NIPSNAP3B: variants seen among roughly 807,000 people sequenced by gnomAD.
NIPSNAP3B encodes protein NipSnap homolog 3B.
A neutral mutation model predicts 31.5 loss-of-function variants in NIPSNAP3B; 30 were observed. That is an observed-to-expected ratio of 0.95 (90% CI 0.71 to 1.29). The LOEUF is 1.29. NIPSNAP3B is among the 50% of genes most tolerant of loss of function. The pLI is 0.00. For missense variants in NIPSNAP3B, 269 were observed against 300.7 expected (o/e 0.89, Z 0.78); for synonymous variants, 106 against 107.9 (o/e 0.98, Z 0.11).
chr9:104,769,434 A>G (rs902812898), intron 3 of NIPSNAP3B, among the ~76,000 whole-genome samples: 2 of 140,350 alleles, frequency 1.4e-5, no homozygotes, highest in Non-Finnish European at 3.0e-5. Context: ...AGCCTGGGCG[A>G]CAGAGCGAGA....
At chr9:104,786,386 C>G in the NIPSNAP3B span, 2 of 1,614,000 alleles carry the variant, frequency 1.2e-6, no homozygotes, top group Non-Finnish European at 1.7e-6. Flanking sequence ...TCACATTCTT[C>G]CATACTGCGG....
chr9:104,785,020 G>A, the NIPSNAP3B span, among the ~76,000 whole-genome samples: 20 of 152,230 alleles, frequency 1.3e-4, no homozygotes, highest in Non-Finnish European at 2.6e-4. Context: ...GGCACATACG[G>A]TCTTGATTAA....
At chr9:104,771,179 T>C in intron 4 of NIPSNAP3B, 181 bp downstream of exon 4, 1 of 519,890 alleles carries the variant, frequency 1.9e-6, no homozygotes, top group Non-Finnish European at 3.3e-6. Flanking sequence ...GTTAATACTT[T>C]ATGGAGCCTT....
Position 104,773,230 on chromosome 9 carries a change from T to C in NIPSNAP3B, c.*157T>C. ...TCTTGCATTTTTGAAAGTTACATAT[T>C]CTCCACTGCTTTAAGAAATAATTCA... On this transcript the variant is annotated 3_prime_UTR_variant, in exon 6 of 6. Coordinates refer to ENST00000374762, the MANE Select transcript of NIPSNAP3B (RefSeq NM_018376.4). The C allele has an allele frequency of 1.5e-6, 1 of 665,610 alleles. No homozygotes were observed. The allele number at this position is 665,610 out of a possible 1,614,324, so 41.2% of individuals were successfully genotyped here.
chr9:104,780,177 T>TA (rs1431419119), downstream of NIPSNAP3B, among the ~76,000 whole-genome samples: 3 of 152,350 alleles, frequency 2.0e-5, no homozygotes, highest in East Asian at 3.9e-4. Flanking sequence ...TTAAAGTCAC[T>TA]ATAACATGAA....
At chr9:104,787,519 C>G in the NIPSNAP3B span, among the ~76,000 whole-genome samples, 1 of 152,252 alleles carries the variant, frequency 6.6e-6, no homozygotes, top group East Asian at 1.9e-4. Context: ...GGGCCACTTC[C>G]CAGTCTGATC....
chr9:104,767,871 A>G (rs533241807), intron 2 of NIPSNAP3B, among the ~76,000 whole-genome samples: 1 of 152,182 alleles, frequency 6.6e-6, no homozygotes, highest in African/African-American at 2.4e-5. Context: ...TAAATATACT[A>G]TAGTTGTCCC....
chr9:104,790,040 G>A, the NIPSNAP3B span, among the ~76,000 whole-genome samples: 1 of 151,646 alleles, frequency 6.6e-6, no homozygotes, highest in African/African-American at 2.4e-5. Flanking sequence ...AGGTTGCAGT[G>A]AGCCAAGGTC....
chr9:104,783,936 G>A, the NIPSNAP3B span: 11 of 187,048 alleles, frequency 5.9e-5, no homozygotes, highest in Middle Eastern at 2.6e-3. Flanking sequence ...ATCAATAATC[G>A]CTGGCCATGA....
rs1464524025 is a variant in NIPSNAP3B at position 104,770,860 on chromosome 9, C to T, written c.442C>T (p.Leu148=). 1.9e-6 allele frequency: 3 copies of T among 1,613,480 alleles called. No homozygotes were observed. In the Admixed American group the frequency reaches 5.0e-5, roughly 27 times the overall value. ...EKPPKEGVYE[L]AVFQMKPGGP... is the part of the protein sequence containing the mutation. Reference sequence around the variant, plus strand: ...TCTCCCTATTCTAGGAGTCTATGAACTAGCTGTTTTTCAGATGAAACCTGG... The same window carrying T: ...TCTCCCTATTCTAGGAGTCTATGAATTAGCTGTTTTTCAGATGAAACCTGG... The change falls in exon 4 of 6, where the codon CTA becomes TTA. Residue 148 remains leucine, a synonymous_variant. Transcript: ENST00000374762.
At chr9:104,784,554 G>A in the NIPSNAP3B span, 36 of 1,400,598 alleles carry the variant, frequency 2.6e-5, no homozygotes, top group Non-Finnish European at 3.6e-5. Flanking sequence ...GGTCAAGTAG[G>A]AGCATACAGA....
At chr9:104,779,134 G>A (rs1040041944), downstream of NIPSNAP3B, among the ~76,000 whole-genome samples, 6 of 151,988 alleles carry the variant, frequency 3.9e-5, no homozygotes, top group Non-Finnish European at 5.9e-5. Context: ...CTTTTTATTC[G>A]ATTCTGAGCA....
downstream of NIPSNAP3B, among the ~76,000 whole-genome samples, chr9:104,779,552 G>C (rs1828412723): frequency 6.6e-6 from 1 of 151,744 alleles, no homozygotes; most frequent in African/African-American, 2.4e-5. Flanking sequence ...TTACCTCATA[G>C]GGCAGGTGTT....
the NIPSNAP3B span, chr9:104,787,093 T>G: frequency 1.3e-6 from 1 of 791,466 alleles, no homozygotes; most frequent in South Asian, 2.0e-5. Flanking sequence ...GCCATTCTAG[T>G]TATTTCTTGA....
At chr9:104,784,107 A>G in the NIPSNAP3B span, 1 of 610,606 alleles carries the variant, frequency 1.6e-6, no homozygotes, top group East Asian at 2.9e-5. Flanking sequence ...TGAGAGCCAT[A>G]CAAGACATAG....
the NIPSNAP3B span, among the ~76,000 whole-genome samples, chr9:104,787,537 C>A: frequency 6.6e-6 from 1 of 152,152 alleles, no homozygotes; most frequent in Non-Finnish European, 1.5e-5. Flanking sequence ...ATCTGTTTTT[C>A]ATCTATCCGT....
Position 104,773,022 on chromosome 9 carries a change from T to A in NIPSNAP3B, c.693T>A (p.Val231=). 2 of 1,614,154 alleles carry A rather than the reference T, an allele frequency of 1.2e-6. No homozygotes were observed. The highest frequency in any genetic ancestry group is 1.3e-5 in the African/African-American group (1 of 75,068). Residue 231 remains valine (V), a synonymous_variant, in exon 6 of 6, where the codon GTT becomes GTA. Transcript: ENST00000374762. Reference sequence around the variant, plus strand: ...TTCGGGAAAGTGTCAACTACCTAGTTTCTCAGCAGAATATGCTTCTGATTC... The same window carrying A: ...TTCGGGAAAGTGTCAACTACCTAGTATCTCAGCAGAATATGCTTCTGATTC... ...AAVRESVNYL[V]SQQNMLLIPA... is the part of the protein sequence containing the mutation.
chr9:104,785,745 G>A, the NIPSNAP3B span: 3 of 1,379,000 alleles, frequency 2.2e-6, no homozygotes, highest in Admixed American at 3.7e-5. Flanking sequence ...GCGGCCCCTG[G>A]CAGGCCCAGA....
chr9:104,770,762 G>T, intron 3 of NIPSNAP3B, 87 bp from the exon 4 acceptor site: 1 of 1,143,744 alleles, frequency 8.7e-7, no homozygotes, highest in Non-Finnish European at 1.3e-6. Flanking sequence ...TAACTTCATT[G>T]GTTAGCCTTC....
Sources: allele counts gnomAD v4.1 joint callset (sites outside exome capture counted in the v4.1 genomes callset), GRCh38; gene constraint gnomAD v4.1.1; transcripts MANE v1.5; gene names NCBI Gene and HGNC (gene_info 2026-07-23, HGNC 2026-07-21).